RALGPS1: variants seen among roughly 807,000 people sequenced by gnomAD.
The protein encoded by RALGPS1 is Ral GEF with PH domain and SH3 binding motif 1.
Under a neutral mutation model 78.8 loss-of-function variants are expected in RALGPS1, and 19 were observed. The ratio of observed to expected loss-of-function variants is 0.24; its 90% CI spans 0.17 to 0.35. The LOEUF is 0.35. Ranked by LOEUF, RALGPS1 falls within the 10% of genes least tolerant of loss-of-function variation. The probability of loss-of-function intolerance (pLI) is 1.00; values close to 1 mark genes in which losing one functional copy is unlikely to be tolerated. For missense variants in RALGPS1, 454 were observed against 688.3 expected, an observed-to-expected ratio of 0.66 and a Z score of 3.81; for synonymous variants, 228 against 256.3, an observed-to-expected ratio of 0.89 and a Z score of 1.06.
At chr9:127,031,090 C>T (rs756323061) in intron 4 of RALGPS1, among the ~76,000 whole-genome samples, 2 of 152,336 alleles carry the variant, frequency 1.3e-5, no homozygotes, top group South Asian at 2.1e-4. Flanking sequence ...CTGGGTAGCT[C>T]AGTGGCTCAC....
intron 1 of RALGPS1, among the ~76,000 whole-genome samples, chr9:126,961,194 T>C (rs2132103297): frequency 1.3e-5 from 2 of 152,236 alleles, no homozygotes; most frequent in Admixed American, 1.3e-4. Context: ...CTGTTTTGGG[T>C]TGTTCAGGCA....
chr9:126,946,614 C>G (rs2037298384), intron 1 of RALGPS1, among the ~76,000 whole-genome samples: 1 of 150,934 alleles, frequency 6.6e-6, no homozygotes, highest in Non-Finnish European at 1.5e-5. Context: ...CCTGGCCTGG[C>G]TACTGTGCAC....
chr9:127,166,355 C>T (rs1235698147), intron 9 of RALGPS1, 149 bp downstream of exon 9: 1 of 957,286 alleles, frequency 1.0e-6, no homozygotes. Flanking sequence ...TCCTTTTATA[C>T]ATAGGTTTGA....
Position 127,107,925 on chromosome 9 carries a change from G to A in RALGPS1, c.610+38569G>A, listed in dbSNP as rs540819874. On this transcript the variant is annotated intron_variant, in intron 8 of 18. Transcript: ENST00000259351. The stretch of plus-strand genomic sequence containing the variant: ...CCCAGAAGCACTTACCCGACGGCTT[G>A]TCGGTGGAAGATGGGAGGCTGGTGA... The A allele has an allele frequency of 5.2e-6, 8 of 1,532,094 alleles. No individual in the cohort carries two copies. In the Admixed American group the frequency reaches 9.9e-5, roughly 19 times the overall value. 94.9% of individuals were successfully genotyped at this position (1,532,094 alleles called of 1,614,324 possible). A position where few individuals can be genotyped will look rare whatever the true frequency, so the allele number is the denominator to read the frequency against.
intron 14 of RALGPS1, among the ~76,000 whole-genome samples, chr9:127,206,685 C>T (rs1452895450): frequency 6.6e-6 from 1 of 152,144 alleles, no homozygotes; most frequent in Non-Finnish European, 1.5e-5. Context: ...ACCAAGATTA[C>T]CAAGGCCTCA....
chr9:127,141,918 A>C (rs1253838370), intron 8 of RALGPS1, among the ~76,000 whole-genome samples: 1 of 149,696 alleles, frequency 6.7e-6, no homozygotes, highest in African/African-American at 2.4e-5. Context: ...GTATTCAATA[A>C]ATTATTCAAT....
chr9:127,055,577 C>T (rs1439904410), intron 7 of RALGPS1, among the ~76,000 whole-genome samples: 1 of 152,156 alleles, frequency 6.6e-6, no homozygotes, highest in Non-Finnish European at 1.5e-5. Flanking sequence ...GAGATAGGCA[C>T]TGTTACTATT....
At chr9:127,071,299 G>A (rs2050181395) in intron 8 of RALGPS1, among the ~76,000 whole-genome samples, 1 of 151,852 alleles carries the variant, frequency 6.6e-6, no homozygotes, top group African/African-American at 2.4e-5. Context: ...CTGCTTTTTA[G>A]TTTACTGTAT....
chr9:127,201,713 C>T (rs2140792581), intron 14 of RALGPS1, among the ~76,000 whole-genome samples: 1 of 152,292 alleles, frequency 6.6e-6, no homozygotes, highest in South Asian at 2.1e-4. Context: ...CAGGTCCTCC[C>T]TCCACTCCCA....
intron 1 of RALGPS1, among the ~76,000 whole-genome samples, chr9:126,949,544 T>G (rs939709212): frequency 2.1e-4 from 32 of 152,252 alleles, no homozygotes; most frequent in Non-Finnish European, 3.5e-4. Flanking sequence ...GGTTTTGATT[T>G]GCATTTCTCT....
At chr9:127,080,938 A>G (rs2136132553) in intron 8 of RALGPS1, among the ~76,000 whole-genome samples, 1 of 152,334 alleles carries the variant, frequency 6.6e-6, no homozygotes, top group East Asian at 1.9e-4. Flanking sequence ...TTCTGGTCCC[A>G]AGCATTTTGG....
Position 127,152,491 on chromosome 9 carries a change from C to T in RALGPS1, c.611-13578C>T, listed in dbSNP as rs2058476285. Among the ~76,000 whole-genome samples the T allele has an allele frequency of 2.0e-5, 3 of 152,190 alleles. No individual in the cohort carries two copies. The South Asian group carries it at 6.2e-4, about 32-fold the overall frequency. ...AGCATTCTAGAACCCCTCCGATCAG[C>T]TCCTACTGGGCAGTGAGTGTACTGG... is the stretch of plus-strand genomic sequence containing the variant. On this transcript the variant is annotated intron_variant, in intron 8 of 18. Coordinates refer to ENST00000259351, the MANE Select transcript of RALGPS1 (RefSeq NM_014636.3).
chr9:127,171,663 G>A (rs1457384251), intron 10 of RALGPS1, among the ~76,000 whole-genome samples: 6 of 152,200 alleles, frequency 3.9e-5, no homozygotes, highest in Admixed American at 2.6e-4. Context: ...GGAGGCTGAG[G>A]CAAGAGAATC....
intron 3 of RALGPS1, among the ~76,000 whole-genome samples, chr9:126,975,965 C>T (rs746265310): frequency 2.6e-5 from 4 of 152,190 alleles, no homozygotes; most frequent in African/African-American, 7.2e-5. Flanking sequence ...TACAAAGAGG[C>T]TCTCCACTGA....
At chr9:126,934,937 C>T (rs1313672936) in intron 1 of RALGPS1, among the ~76,000 whole-genome samples, 2 of 152,170 alleles carry the variant, frequency 1.3e-5, no homozygotes, top group Non-Finnish European at 2.9e-5. Context: ...TATGTTTGGC[C>T]ATGGGAGAAT....
chr9:126,997,875 A>G (rs1169983326), intron 4 of RALGPS1, among the ~76,000 whole-genome samples: 3 of 152,176 alleles, frequency 2.0e-5, no homozygotes, highest in Non-Finnish European at 4.4e-5. Context: ...TCGTATCTAC[A>G]ACTATCTGAT....
intron 1 of RALGPS1, among the ~76,000 whole-genome samples, chr9:126,945,846 C>T (rs489601): frequency 0.21 from 31,735 of 152,168 alleles, 4,095 homozygotes; most frequent in East Asian, 0.44. Context: ...GGGCAGACAT[C>T]GTCTTCTCTT....
intron 8 of RALGPS1, among the ~76,000 whole-genome samples, chr9:127,162,733 CAG>C (rs2059092016): frequency 6.6e-6 from 1 of 152,140 alleles, no homozygotes; most frequent in African/African-American, 2.4e-5. Context: ...GAGCACCACT[CAG>C]GGATCCACTT....
chr9:127,171,838 A>T (rs1256846698), intron 10 of RALGPS1, among the ~76,000 whole-genome samples: 1 of 152,214 alleles, frequency 6.6e-6, no homozygotes, highest in Non-Finnish European at 1.5e-5. Context: ...CTAGGTTTCC[A>T]TTGTGAACAG....
Sources: gnomAD v4.1 joint callset for allele counts (sites outside exome capture counted in the v4.1 genomes callset) on GRCh38, gnomAD v4.1.1 for gene constraint, MANE v1.5 for transcripts, NCBI Gene and HGNC (gene_info 2026-07-23, HGNC 2026-07-21) for gene names.